Variants in GMFG observed in about 807,000 individuals in gnomAD.
GMFG encodes the protein glia maturation factor gamma.
Under a neutral mutation model 26.1 loss-of-function variants are expected in GMFG, and 21 were observed. The ratio of observed to expected loss-of-function variants is 0.80; its 90% CI spans 0.57 to 1.16. GMFG has a LOEUF of 1.16. GMFG is among the 50% of genes most tolerant of loss of function. The probability of loss-of-function intolerance (pLI) is 0.00; values close to 1 mark genes in which losing one functional copy is unlikely to be tolerated. For synonymous variants in GMFG, 65 were observed against 60.8 expected (o/e 1.07, Z -0.32); for missense variants, 161 against 178.3 (o/e 0.90, Z 0.55).
chr19:39,328,952 C>A (rs77184543), intron 6 of GMFG, 48 bp downstream of exon 6: 21,539 of 1,321,352 alleles, frequency 0.016, 231 homozygotes, highest in Non-Finnish European at 0.02. Context: ...AGACCCAGGA[C>A]CCACACCACC....
At chr19:39,331,864 CTTTT>C (rs900989455) in intron 4 of GMFG, among the ~76,000 whole-genome samples, 1 of 151,924 alleles carries the variant, frequency 6.6e-6, no homozygotes, top group African/African-American at 2.4e-5. Flanking sequence ...AGGAAAATTT[CTTTT>C]TTTGTTTTTT....
intron 5 of GMFG, 55 bp downstream of exon 5, chr19:39,329,487 AAC>A (rs750946002): frequency 9.4e-4 from 922 of 984,846 alleles, no homozygotes; most frequent in Non-Finnish European, 1.3e-3. Context: ...TTTACACACA[AAC>A]ACACACACAC....
chr19:39,328,845 T>TC, intron 6 of GMFG, 155 bp downstream of exon 6: 1 of 666,316 alleles, frequency 1.5e-6, no homozygotes, highest in Non-Finnish European at 2.7e-6. Flanking sequence ...GCCACTGCAC[T>TC]CCAGCCTGGA....
intron 3 of GMFG, among the ~76,000 whole-genome samples, 199 bp from the exon 4 acceptor site, chr19:39,333,325 A>T (rs150240296): frequency 0.014 from 2,175 of 152,298 alleles, 47 homozygotes; most frequent in African/African-American, 0.049. Flanking sequence ...ATGCACCTGT[A>T]GTCCCAGCTA....
rs913177133 is a variant in GMFG, at chr19:39,336,040, G to A, written c.-64C>T. 7.7e-7 allele frequency: 1 copy of A among 1,304,178 alleles called. No individual in the cohort carries two copies. The highest frequency in any genetic ancestry group is 1.1e-6 in the Non-Finnish European group (1 of 898,332). The allele number at this position is 1,304,178 out of a possible 1,614,324, so 80.8% of individuals were successfully genotyped here. On this transcript the variant is annotated 5_prime_UTR_variant, in exon 1 of 7. Transcript: ENST00000597595. ...GCTGTCTTCTAGGCGTGGGGACCGGGGCTGTAGGGGGGCGGGCTGTGCAGT... is the reference window on the plus strand; with the variant it reads ...GCTGTCTTCTAGGCGTGGGGACCGGAGCTGTAGGGGGGCGGGCTGTGCAGT...
intron 6 of GMFG, 195 bp downstream of exon 6, chr19:39,328,805 G>A: frequency 1.6e-6 from 1 of 619,064 alleles, no homozygotes; most frequent in Non-Finnish European, 2.9e-6. Flanking sequence ...TTGAACCCAG[G>A]AGGAGGAGGT....
chr19:39,335,169 C>T, intron 3 of GMFG, 92 bp downstream of exon 3: 1 of 1,006,584 alleles, frequency 9.9e-7, no homozygotes, highest in Non-Finnish European at 1.5e-6. Flanking sequence ...GGTCTTTCTA[C>T]CCCCATGCCA....
In GMFG at chr19:39,328,741, T is replaced by C. The variant is rs554720532; in HGVS notation, c.358-193A>G. ...TAAAAATACAAAAAGTAGCCAGGTGTGGTGGCGTGTGCCTGTCGTCCCACT... is the reference window on the plus strand; with the variant it reads ...TAAAAATACAAAAAGTAGCCAGGTGCGGTGGCGTGTGCCTGTCGTCCCACT... On this transcript the variant is annotated intron_variant, in intron 6 of 6. Coordinates refer to ENST00000597595, the MANE Select transcript of GMFG (RefSeq NM_004877.4). The C allele has an allele frequency of 9.2e-5, 56 of 609,508 alleles. No individual in the cohort carries two copies. The South Asian group carries it at 1.0e-3, about 11-fold the overall frequency. The allele number at this position is 609,508 out of a possible 1,614,324, so 37.8% of individuals were successfully genotyped here. A position where few individuals can be genotyped will look rare whatever the true frequency, so the allele number is the denominator to read the frequency against.
At chr19:39,332,656 C>T (rs202194573) in intron 4 of GMFG, among the ~76,000 whole-genome samples, 44 of 111,260 alleles carry the variant, frequency 4.0e-4, no homozygotes, top group South Asian at 5.8e-4. Context: ...CACAGAGATT[C>T]TTTTTTTTTT....
chr19:39,332,070 C>T (rs1042737237), intron 4 of GMFG, among the ~76,000 whole-genome samples: 8 of 151,650 alleles, frequency 5.3e-5, no homozygotes, highest in Middle Eastern at 3.4e-3. Context: ...CCACCAGGCG[C>T]GGTGGCTCAC....
intron 5 of GMFG, among the ~76,000 whole-genome samples, 173 bp downstream of exon 5, chr19:39,329,366 CCACTT>C (rs1279058862): frequency 6.6e-6 from 1 of 152,186 alleles, no homozygotes; most frequent in African/African-American, 2.4e-5. Flanking sequence ...GCCCCCACCT[CCACTT>C]CACTGCCCTC....
In GMFG at chr19:39,333,138, A is replaced by C. The variant is rs888387282; in HGVS notation, c.151-12T>G. 6.3e-7 allele frequency: 1 copy of C among 1,583,572 alleles called. No individual in the cohort carries two copies. ...TCTGGGGAAATGTTCTGAGGCAAGA[A>C]AACAGAAGAAAAGACAAAGAATGAG... On this transcript the variant is annotated splice_polypyrimidine_tract_variant and intron_variant, in intron 3 of 6. Transcript: ENST00000597595.
rs755710312 is a variant in GMFG at position 39,328,600 on chromosome 19, G to A, written c.358-52C>T. On this transcript the variant is annotated intron_variant, in intron 6 of 6. Transcript: ENST00000597595. ...TGATCTACTCAAACACTGAGACAGT[G>A]GCTGGGCACGGTGGCTCACCTGTAA... 6 of 1,355,370 alleles carry A rather than the reference G, an allele frequency of 4.4e-6. No individual in the cohort carries two copies. In the East Asian group the frequency reaches 1.1e-4, roughly 26 times the overall value. 84.0% of individuals were successfully genotyped at this position (1,355,370 alleles called of 1,614,324 possible). A position where few individuals can be genotyped will look rare whatever the true frequency, so the allele number is the denominator to read the frequency against.
In GMFG at chr19:39,335,291, C is replaced by A; in HGVS notation, c.120G>T (p.Arg40=). The change falls in exon 3 of 7, where the codon CGG becomes CGT. Residue 40 remains arginine (R), a synonymous_variant. Transcript: ENST00000597595. ...AAIIMKVDKD[R]QMVVLEEEFQ... ...ATTCTTCCTCCAGCACCACCATCTGCCGGTCTTTGTCCACCTTCACTGGGG... is the reference window on the plus strand; with the variant it reads ...ATTCTTCCTCCAGCACCACCATCTGACGGTCTTTGTCCACCTTCACTGGGG... The A allele has an allele frequency of 6.4e-7, 1 of 1,565,942 alleles. No homozygotes were observed.
chr19:39,335,206 T>C, intron 3 of GMFG, 55 bp downstream of exon 3: 2 of 1,381,158 alleles, frequency 1.4e-6, no homozygotes, highest in Non-Finnish European at 9.9e-7. Flanking sequence ...TCCAACCACT[T>C]GGTTCTCCCA....
At chr19:39,332,924 G>C (rs1035702843) in intron 4 of GMFG, 153 bp downstream of exon 4, 1 of 489,826 alleles carries the variant, frequency 2.0e-6, no homozygotes, top group Non-Finnish European at 3.8e-6. Context: ...CTCCCAAAGT[G>C]CTGGGATTAC....
In GMFG at chr19:39,328,463, C is replaced by T. The variant is rs2075212152; in HGVS notation, c.*14G>A. Reference sequence around the variant, plus strand: ...AGGACTCAGACATCAGGAATTCAGTCCCCAGCCCAGAGATCAACGAAAGAA... The same window carrying T: ...AGGACTCAGACATCAGGAATTCAGTTCCCAGCCCAGAGATCAACGAAAGAA... On this transcript the variant is annotated 3_prime_UTR_variant, in exon 7 of 7. Transcript: ENST00000597595. 6.3e-7 allele frequency: 1 copy of T among 1,587,346 alleles called. No individual in the cohort carries two copies. The highest frequency in any genetic ancestry group is 1.1e-5 in the South Asian group (1 of 90,536).
Position 39,328,472 on chromosome 19 carries a change from A to G in GMFG, c.*5T>C, listed in dbSNP as rs765230794. The G allele has an allele frequency of 6.2e-7, 1 of 1,603,408 alleles. No individual in the cohort carries two copies. The highest frequency in any genetic ancestry group is 1.7e-5 in the Admixed American group (1 of 60,000). ...ACATCAGGAATTCAGTCCCCAGCCC[A>G]GAGATCAACGAAAGAAAGACAACTT... On this transcript the variant is annotated 3_prime_UTR_variant, in exon 7 of 7. Transcript: ENST00000597595.
At chr19:39,332,444 A>C (rs1253252928) in intron 4 of GMFG, among the ~76,000 whole-genome samples, 1 of 150,272 alleles carries the variant, frequency 6.7e-6, no homozygotes, top group Non-Finnish European at 1.5e-5. Flanking sequence ...CTGAGATTAC[A>C]GGTGGGAGTC....
Sources: gnomAD v4.1 joint callset for allele counts (sites outside exome capture counted in the v4.1 genomes callset) on GRCh38, gnomAD v4.1.1 for gene constraint, MANE v1.5 for transcripts, NCBI Gene and HGNC (gene_info 2026-07-23, HGNC 2026-07-21) for gene names.